The following THEMIS variants were observed in gnomAD, a reference collection of about 807,000 sequenced individuals.
THEMIS encodes protein THEMIS.
In THEMIS, 37 loss-of-function variants were observed where a neutral mutation model predicts 52.6. That is an observed-to-expected ratio of 0.70 (90% CI 0.54 to 0.93). THEMIS has a LOEUF of 0.93. THEMIS is among the 40% of genes least tolerant of loss of function. The pLI is 0.00. For synonymous variants in THEMIS, 292 were observed against 272.7 expected (o/e 1.07, Z -0.70); for missense variants, 808 against 763.1 (o/e 1.06, Z -0.69).
chr6:127,915,593 A>C lies in THEMIS; in HGVS notation c.-150+2835T>G, dbSNP rs1056521532. Reference sequence around the variant, plus strand: ...GAGAGAGGGTCAGAGAGAAAGAGAGAGAGAGAGAGAGAGAGAGAGAGAGAG... The same window carrying C: ...GAGAGAGGGTCAGAGAGAAAGAGAGCGAGAGAGAGAGAGAGAGAGAGAGAG... On this transcript the variant is annotated intron_variant, in intron 1 of 6. Transcript: ENST00000368250. Among the ~76,000 whole-genome samples the C allele has an allele frequency of 8.9e-5, 13 of 146,386 alleles. No homozygotes were observed. In the East Asian group the frequency reaches 2.6e-3, roughly 29 times the overall value.
intron 4 of THEMIS, among the ~76,000 whole-genome samples, chr6:127,724,149 A>G (rs190509632): frequency 6.6e-6 from 1 of 152,114 alleles, no homozygotes; most frequent in African/African-American, 2.4e-5. Flanking sequence ...ATATTGGTAG[A>G]TAAAATGCAG....
chr6:127,860,736 GAAC>G lies in THEMIS; in HGVS notation c.92-5551_92-5549del, dbSNP rs1046352091. On this transcript the variant is annotated intron_variant, in intron 1 of 5. Coordinates refer to ENST00000368248, the MANE Select transcript of THEMIS (RefSeq NM_001010923.3). Reference sequence around the variant, plus strand: ...AGTACTAGGACCAAAACCCAGAAAAGAACAACATTTCAGTCACTCTGAGTGATG... The same window carrying G: ...AGTACTAGGACCAAAACCCAGAAAAGAACATTTCAGTCACTCTGAGTGATG... 5.9e-5 allele frequency among the ~76,000 whole-genome samples: 9 copies of G among 152,164 alleles called. No homozygotes were observed. In the South Asian group the frequency reaches 1.5e-3, roughly 25 times the overall value.
chr6:127,782,986 G>T (rs969432243), intron 4 of THEMIS, among the ~76,000 whole-genome samples: 1 of 152,124 alleles, frequency 6.6e-6, no homozygotes. Context: ...TGACTTCAAA[G>T]TATACTACAA....
chr6:127,855,687 T>A (rs1404350460), intron 1 of THEMIS, among the ~76,000 whole-genome samples: 1 of 151,934 alleles, frequency 6.6e-6, no homozygotes, highest in Non-Finnish European at 1.5e-5. Context: ...AAAGTAAAAC[T>A]TTTTGCCCAT....
chr6:127,838,445 C>T (rs927316476), intron 2 of THEMIS, among the ~76,000 whole-genome samples: 10 of 151,964 alleles, frequency 6.6e-5, no homozygotes, highest in African/African-American at 2.4e-4. Context: ...TTCTGTTTTC[C>T]ATTTCAGTGA....
intron 3 of THEMIS, among the ~76,000 whole-genome samples, chr6:127,821,370 A>T (rs911953749): frequency 6.6e-6 from 1 of 152,108 alleles, no homozygotes; most frequent in Non-Finnish European, 1.5e-5. Context: ...ACTGAGAAAC[A>T]TTCCTGGAGG....
intron 4 of THEMIS, among the ~76,000 whole-genome samples, chr6:127,729,788 A>G (rs564414449): frequency 2.0e-5 from 3 of 152,302 alleles, no homozygotes; most frequent in African/African-American, 7.2e-5. Context: ...TCATTCGAGT[A>G]ATGAGTTTTC....
chr6:127,879,666 C>CT (rs1780417393), intron 1 of THEMIS, among the ~76,000 whole-genome samples: 2 of 148,856 alleles, frequency 1.3e-5, no homozygotes, highest in Non-Finnish European at 3.0e-5. Flanking sequence ...TAGAATATTG[C>CT]TTTTTTAAAA....
At position 127,813,314 on chromosome 6, in the gene THEMIS, G is replaced by C. The variant is rs1777992638; in HGVS notation, c.1327C>G (p.Gln443Glu). ...TTACAGAGCTCAGAAATCGGGTACT[G>C]TTTCTTATCATGAATCACCTCTACA... ...GFVEVIHDKK[Q>E]YPISELCKQF... is the part of the protein sequence containing the mutation. Residue 443 changes from glutamine to glutamate, a missense_variant, in exon 4 of 6, where the codon CAG becomes GAG. Coordinates refer to ENST00000368248, the MANE Select transcript of THEMIS (RefSeq NM_001010923.3). 1.2e-6 allele frequency: 2 copies of C among 1,614,126 alleles called. No homozygotes were observed. The highest frequency in any genetic ancestry group is 2.7e-5 in the African/African-American group (2 of 75,026).
At chr6:127,750,681 A>G (rs1278591125) in intron 4 of THEMIS, among the ~76,000 whole-genome samples, 1 of 151,858 alleles carries the variant, frequency 6.6e-6, no homozygotes, top group Non-Finnish European at 1.5e-5. Context: ...ATTTTAAATT[A>G]ATAGTTCAAG....
intron 1 of THEMIS, among the ~76,000 whole-genome samples, chr6:127,895,156 C>CA (rs1780925897): frequency 6.6e-6 from 1 of 151,094 alleles, no homozygotes; most frequent in Non-Finnish European, 1.5e-5. Flanking sequence ...TCCTAGAAAG[C>CA]AAAGAATAGT....
At chr6:127,777,898 T>G (rs1776618380) in intron 4 of THEMIS, among the ~76,000 whole-genome samples, 1 of 152,048 alleles carries the variant, frequency 6.6e-6, no homozygotes, top group East Asian at 1.9e-4. Flanking sequence ...TCCAGAGGGG[T>G]GACTAGGTTC....
chr6:127,705,520 C>T (rs1773788390), downstream of THEMIS, among the ~76,000 whole-genome samples: 1 of 152,180 alleles, frequency 6.6e-6, no homozygotes, highest in South Asian at 2.1e-4. Context: ...AAGAAACAAC[C>T]TAGTCAGTTG....
At chr6:127,697,994 C>A in the THEMIS span, among the ~76,000 whole-genome samples, 1 of 152,082 alleles carries the variant, frequency 6.6e-6, no homozygotes, top group African/African-American at 2.4e-5. Context: ...TATTATCTGA[C>A]CTTTTACAAT....
intron 3 of THEMIS, among the ~76,000 whole-genome samples, chr6:127,818,632 C>G (rs1029630661): frequency 1.3e-5 from 2 of 150,626 alleles, no homozygotes; most frequent in Non-Finnish European, 2.9e-5. Context: ...AAAGCACACT[C>G]TGAAGAGACA....
At chr6:127,771,073 G>C (rs1776369290) in intron 4 of THEMIS, among the ~76,000 whole-genome samples, 1 of 152,138 alleles carries the variant, frequency 6.6e-6, no homozygotes, top group East Asian at 1.9e-4. Flanking sequence ...CTTCAGCAAA[G>C]TCTCAGGATA....
At chr6:127,795,608 G>A (rs1202559485) in intron 4 of THEMIS, among the ~76,000 whole-genome samples, 4 of 152,154 alleles carry the variant, frequency 2.6e-5, no homozygotes, top group Admixed American at 1.3e-4. Flanking sequence ...GATTACAGGC[G>A]TGAGCCACCG....
intron 1 of THEMIS, among the ~76,000 whole-genome samples, chr6:127,907,230 A>G (rs920559568): frequency 2.0e-5 from 3 of 151,654 alleles, no homozygotes; most frequent in Non-Finnish European, 2.9e-5. Flanking sequence ...TGGATTAACC[A>G]AAAGGTGCCA....
At chr6:127,872,858 C>T (rs1780199774) in intron 1 of THEMIS, among the ~76,000 whole-genome samples, 1 of 151,812 alleles carries the variant, frequency 6.6e-6, no homozygotes, top group African/African-American at 2.4e-5. Flanking sequence ...GTCCCTGTTT[C>T]CAAATGACAT....
Sources: gnomAD v4.1 joint callset for allele counts (sites outside exome capture counted in the v4.1 genomes callset) on GRCh38, gnomAD v4.1.1 for gene constraint, MANE v1.5 for transcripts, NCBI Gene and HGNC (gene_info 2026-07-23, HGNC 2026-07-21) for gene names.